VWA8: variants seen among roughly 807,000 people sequenced by gnomAD.
The protein encoded by VWA8 is von Willebrand factor A domain containing 8.
Under a neutral mutation model 241.5 loss-of-function variants are expected in VWA8, and 221 were observed. The observed-to-expected ratio is 0.91, with a 90% CI of 0.82 to 1.02. VWA8 has a LOEUF of 1.02. Ranked by LOEUF, VWA8 falls within the 50% of genes least tolerant of loss-of-function variation. The pLI is 0.00. For missense variants in VWA8, 2,322 were observed against 2,328.7 expected, an observed-to-expected ratio of 1.00 and a Z score of 0.06; for synonymous variants, 852 against 827.1, an observed-to-expected ratio of 1.03 and a Z score of -0.52.
At chr13:41,726,967 T>A (rs1483806923) in intron 24 of VWA8, among the ~76,000 whole-genome samples, 1 of 151,832 alleles carries the variant, frequency 6.6e-6, no homozygotes, top group African/African-American at 2.4e-5. Flanking sequence ...TGCACTCCAG[T>A]CTGGGTGACA....
intron 18 of VWA8, among the ~76,000 whole-genome samples, chr13:41,784,737 C>CACACATATATATATATAT (rs1191810226): frequency 1.4e-5 from 1 of 72,562 alleles, no homozygotes; most frequent in Non-Finnish European, 2.9e-5. Flanking sequence ...TATACACACA[C>CACACATATATATATATAT]ATATATATAT....
chr13:41,683,722 C>T (rs113776529), intron 35 of VWA8, among the ~76,000 whole-genome samples: 5 of 152,110 alleles, frequency 3.3e-5, no homozygotes, highest in East Asian at 3.9e-4. Flanking sequence ...TTTCAGTGTA[C>T]GATGGTGGTG....
At chr13:41,689,312 G>T in intron 34 of VWA8, 42 bp downstream of exon 34, 1 of 1,580,590 alleles carries the variant, frequency 6.3e-7, no homozygotes, top group Non-Finnish European at 8.6e-7. Context: ...CAAACTAAGG[G>T]AAAGAAACAT....
intron 2 of VWA8, among the ~76,000 whole-genome samples, chr13:41,942,319 C>A (rs954120782): frequency 6.6e-5 from 10 of 152,076 alleles, no homozygotes; most frequent in African/African-American, 2.4e-4. Flanking sequence ...AACTAACAAC[C>A]AGAATAAACC....
rs1407721760 is a variant in VWA8 at position 41,577,980 on chromosome 13, A to G, written c.5272-2142T>C. Among the ~76,000 whole-genome samples the G allele has an allele frequency of 2.6e-5, 4 of 152,142 alleles. No individual in the cohort carries two copies. In the East Asian group the frequency reaches 7.7e-4, roughly 29 times the overall value. ...TAAAACAAGATACTGGCTGATTAAA[A>G]CCTTCAGAAATACTTTAGCAACCAT... On this transcript the variant is annotated intron_variant, in intron 42 of 44. Transcript: ENST00000379310.
intron 14 of VWA8, among the ~76,000 whole-genome samples, chr13:41,824,663 T>G (rs756184303): frequency 2.0e-5 from 3 of 151,902 alleles, no homozygotes; most frequent in Non-Finnish European, 2.9e-5. Context: ...CCACCATCTC[T>G]ACAAAAATAA....
intron 37 of VWA8, among the ~76,000 whole-genome samples, chr13:41,641,643 G>A (rs767545717): frequency 1.4e-4 from 21 of 152,102 alleles, no homozygotes; most frequent in Middle Eastern, 3.4e-3. Context: ...GTTTTAAGAC[G>A]GCTGTTCTGC....
intron 9 of VWA8, among the ~76,000 whole-genome samples, chr13:41,881,718 CGGGCTGGGGGCTG>C: frequency 6.9e-6 from 1 of 145,870 alleles, no homozygotes; most frequent in Admixed American, 6.7e-5. Flanking sequence ...GGCGGCTGGC[CGGGCTGGGGGCTG>C]ACCCCCCCAC....
intron 24 of VWA8, among the ~76,000 whole-genome samples, chr13:41,724,636 G>A (rs985957664): frequency 4.6e-5 from 7 of 152,262 alleles, no homozygotes; most frequent in Admixed American, 1.3e-4. Flanking sequence ...AATTGCTTTC[G>A]TTTTTCTCAG....
chr13:41,762,692 G>A (rs1458784599), intron 20 of VWA8, among the ~76,000 whole-genome samples: 1 of 151,960 alleles, frequency 6.6e-6, no homozygotes, highest in South Asian at 2.1e-4. Flanking sequence ...TACTACATAC[G>A]CAAACATCTT....
chr13:41,869,585 T>G (rs889032488), intron 9 of VWA8, among the ~76,000 whole-genome samples: 26 of 137,178 alleles, frequency 1.9e-4, no homozygotes, highest in African/African-American at 6.9e-4. Flanking sequence ...GAACTGAGAT[T>G]GTGCCACTGC....
chr13:41,656,286 G>C (rs890739694), intron 37 of VWA8, among the ~76,000 whole-genome samples: 2 of 152,132 alleles, frequency 1.3e-5, no homozygotes, highest in South Asian at 4.1e-4. Context: ...ATTTTCCTAC[G>C]AGGGTTCTAC....
At chr13:41,591,735 T>G (rs2044456222) in intron 40 of VWA8, among the ~76,000 whole-genome samples, 8 of 146,120 alleles carry the variant, frequency 5.5e-5, no homozygotes, top group South Asian at 2.3e-4. Flanking sequence ...TCACTGGCCA[T>G]CAGAGAAATG....
Position 41,605,269 on chromosome 13 carries a change from C to G in VWA8, c.4885G>C (p.Glu1629Gln), listed in dbSNP as rs1309528940. 1 of 1,612,582 alleles carries G rather than the reference C, an allele frequency of 6.2e-7. No homozygotes were observed. Among genetic ancestry groups the G allele is most frequent in the East Asian group, 2.2e-5 (1 of 44,868 alleles). Reference sequence around the variant, plus strand: ...GCATCGTATTCACTCATTTGGATCTCCTTTAGCCTGAAATCAGAAGAGTAT... The same window carrying G: ...GCATCGTATTCACTCATTTGGATCTGCTTTAGCCTGAAATCAGAAGAGTAT... ...GQRAFQQRLK[E>Q]IQMSEYDAAT... Residue 1629 changes from glutamate to glutamine, a missense_variant, in exon 40 of 45, where the codon GAG becomes CAG. Transcript: ENST00000379310.
chr13:41,901,865 C>CAAAAAAAAA (rs1167305999), intron 4 of VWA8, among the ~76,000 whole-genome samples: 2 of 24,678 alleles, frequency 8.1e-5, no homozygotes, highest in Non-Finnish European at 6.9e-5. Context: ...GACTCCATCT[C>CAAAAAAAAA]AAAAAAAAAA....
At chr13:41,574,174 T>TAAAA (rs59813167) in intron 43 of VWA8, among the ~76,000 whole-genome samples, 4,559 of 136,978 alleles carry the variant, frequency 0.033, 250 homozygotes, top group African/African-American at 0.11. Context: ...AAGTTTTCTG[T>TAAAA]AAAAAAAAAA....
chr13:41,787,049 C>T (rs982159078), intron 18 of VWA8, among the ~76,000 whole-genome samples: 3 of 150,492 alleles, frequency 2.0e-5, no homozygotes, highest in Admixed American at 6.7e-5. Context: ...TATAGGACAT[C>T]GCTGACCCTC....
intron 21 of VWA8, among the ~76,000 whole-genome samples, chr13:41,751,305 T>C (rs992665667): frequency 2.0e-5 from 3 of 152,190 alleles, no homozygotes; most frequent in African/African-American, 4.8e-5. Context: ...TGGAAACTAC[T>C]GCCCAATTGC....
intron 38 of VWA8, among the ~76,000 whole-genome samples, chr13:41,612,022 C>T (rs911043059): frequency 6.6e-6 from 1 of 152,096 alleles, no homozygotes; most frequent in East Asian, 1.9e-4. Context: ...TATTTGTTAT[C>T]CTTTCATATT....
Sources: allele counts gnomAD v4.1 joint callset (sites outside exome capture counted in the v4.1 genomes callset), GRCh38; gene constraint gnomAD v4.1.1; transcripts MANE v1.5; gene names NCBI Gene and HGNC (gene_info 2026-07-23, HGNC 2026-07-21).